The following CCDC146 variants were observed in gnomAD, a reference collection of about 807,000 sequenced individuals.
CCDC146 encodes coiled-coil domain containing 146, also known as coiled-coil domain-containing protein 146.
CCDC146 carries 92 observed loss-of-function variants against 119.3 expected under a neutral mutation model. That is an observed-to-expected ratio of 0.77 (90% CI 0.65 to 0.92). CCDC146 has a LOEUF of 0.92. Among genes scored for constraint, CCDC146 ranks in the 40% least tolerant of loss-of-function variants. The pLI, the probability that CCDC146 is intolerant of heterozygous loss-of-function variation, is 0.00. For missense variants in CCDC146, 1,000 were observed against 1,103.0 expected (o/e 0.91, Z 1.32); for synonymous variants, 372 against 371.8 (o/e 1.00, Z -0.01).
intron 3 of CCDC146, among the ~76,000 whole-genome samples, chr7:77,238,510 A>G (rs1433457556): frequency 6.6e-6 from 1 of 151,836 alleles, no homozygotes; most frequent in Non-Finnish European, 1.5e-5. Context: ...TCCGCCTCCC[A>G]GGTTCACGCC....
intron 9 of CCDC146, among the ~76,000 whole-genome samples, chr7:77,263,701 A>T (rs867737111): frequency 4.6e-5 from 7 of 152,362 alleles, no homozygotes; most frequent in Middle Eastern, 6.8e-3. Flanking sequence ...AGGTCGGCAG[A>T]TCACCTGAGG....
chr7:77,199,347 C>T (rs747943176), intron 2 of CCDC146: 3 of 1,613,942 alleles, frequency 1.9e-6, no homozygotes, highest in African/African-American at 2.7e-5. Context: ...CATTGATCTC[C>T]TCTTTGGCAT....
intron 17 of CCDC146, among the ~76,000 whole-genome samples, chr7:77,289,814 G>A (rs1407253733): frequency 1.3e-5 from 2 of 152,236 alleles, no homozygotes; most frequent in East Asian, 3.9e-4. Context: ...TCTAATTTAT[G>A]GAAGAGAAGG....
At chr7:77,146,826 T>C (rs1026970484) in intron 1 of CCDC146, among the ~76,000 whole-genome samples, 1 of 152,242 alleles carries the variant, frequency 6.6e-6, no homozygotes. Context: ...GACCTTTCTC[T>C]CTGGCTGCCC....
At position 77,282,579 on chromosome 7, in the gene CCDC146, G is replaced by C; in HGVS notation, c.1942G>C (p.Glu648Gln). 1 of 1,609,476 alleles carries C rather than the reference G, an allele frequency of 6.2e-7. No individual in the cohort carries two copies. The highest frequency in any genetic ancestry group is 1.3e-5 in the African/African-American group (1 of 74,726). Residue 648 changes from glutamate (E) to glutamine (Q), a missense_variant, in exon 15 of 19, where the codon GAA becomes CAA. Coordinates refer to ENST00000285871, the MANE Select transcript of CCDC146 (RefSeq NM_020879.3). ...TAGTGGCGTTCAGCTGATAGAGCGG[G>C]AAGAAGAAATATGCATTTTTTATGA... ...NESGVQLIER[E>Q]EEICIFYEKI...
intron 18 of CCDC146, 122 bp from the exon 19 acceptor site, chr7:77,294,541 T>TGGG: frequency 1.3e-6 from 1 of 745,132 alleles, no homozygotes; most frequent in South Asian, 1.7e-5. Context: ...CCCATCCCTT[T>TGGG]GGGGAGTATC....
intron 2 of CCDC146, among the ~76,000 whole-genome samples, chr7:77,184,906 A>G (rs1390206299): frequency 1.3e-5 from 2 of 152,166 alleles, no homozygotes; most frequent in East Asian, 1.9e-4. Context: ...CTGAGATACA[A>G]CTGGAATCAT....
intron 2 of CCDC146, chr7:77,198,939 C>T (rs1791926353): frequency 1.9e-6 from 1 of 534,616 alleles, no homozygotes; most frequent in Non-Finnish European, 3.3e-6. Context: ...CTGGCATTAA[C>T]AAATAAGATC....
At chr7:77,207,773 T>C (rs1792107662) in intron 2 of CCDC146, among the ~76,000 whole-genome samples, 1 of 152,164 alleles carries the variant, frequency 6.6e-6, no homozygotes, top group Admixed American at 6.5e-5. Flanking sequence ...TAGAGATCTG[T>C]AAGGTCCTTT....
chr7:77,132,309 G>A (rs893669914), intron 1 of CCDC146, among the ~76,000 whole-genome samples: 8 of 151,934 alleles, frequency 5.3e-5, no homozygotes, highest in African/African-American at 1.9e-4. Context: ...GAACACAAAA[G>A]CAAAATCCTT....
intron 17 of CCDC146, among the ~76,000 whole-genome samples, chr7:77,291,572 A>C (rs1379177870): frequency 6.6e-6 from 1 of 152,120 alleles, no homozygotes; most frequent in African/African-American, 2.4e-5. Context: ...GCCGGGTGTG[A>C]TGGTGCACAC....
intron 15 of CCDC146, among the ~76,000 whole-genome samples, chr7:77,286,530 C>G (rs1003371254): frequency 4.6e-5 from 7 of 152,158 alleles, no homozygotes; most frequent in African/African-American, 1.7e-4. Context: ...AATCAAGGGC[C>G]GCTTGTGAAA....
chr7:77,167,903 T>G (rs923613150), intron 2 of CCDC146, 79 bp downstream of exon 2: 2 of 1,523,612 alleles, frequency 1.3e-6, no homozygotes, highest in African/African-American at 2.8e-5. Flanking sequence ...CCAATATCAT[T>G]ATCAAAATTC....
chr7:77,130,798 C>T (rs557054008), intron 1 of CCDC146, among the ~76,000 whole-genome samples: 20 of 150,718 alleles, frequency 1.3e-4, no homozygotes, highest in African/African-American at 4.2e-4. Flanking sequence ...GGGGTTTCAC[C>T]GTGTTAGCCA....
intron 2 of CCDC146, 107 bp downstream of exon 2, chr7:77,167,931 G>T: frequency 2.2e-6 from 3 of 1,390,624 alleles, no homozygotes; most frequent in Non-Finnish European, 2.9e-6. Flanking sequence ...CATATATCCT[G>T]TAGGTGATAT....
intron 7 of CCDC146, among the ~76,000 whole-genome samples, chr7:77,259,746 T>C (rs979077529): frequency 5.3e-5 from 8 of 152,016 alleles, no homozygotes; most frequent in African/African-American, 1.9e-4. Flanking sequence ...TGGTAGCAAA[T>C]TGGGATCTGC....
At chr7:77,200,123 A>C (rs898206266) in intron 2 of CCDC146, among the ~76,000 whole-genome samples, 3 of 152,256 alleles carry the variant, frequency 2.0e-5, no homozygotes, top group African/African-American at 7.2e-5. Context: ...CTTGAAGTAA[A>C]TAATTATACG....
At chr7:77,128,730 A>G (rs1320067531) in intron 1 of CCDC146, among the ~76,000 whole-genome samples, 3 of 152,108 alleles carry the variant, frequency 2.0e-5, no homozygotes, top group Non-Finnish European at 2.9e-5. Flanking sequence ...AGGTTTCCTA[A>G]GAATAAAAGA....
chr7:77,220,088 G>A (rs1792372814), intron 2 of CCDC146, among the ~76,000 whole-genome samples: 1 of 152,194 alleles, frequency 6.6e-6, no homozygotes, highest in Non-Finnish European at 1.5e-5. Context: ...CCTAACCCTA[G>A]CAAGCCTGGG....
Sources: gnomAD v4.1 joint callset for allele counts (sites outside exome capture counted in the v4.1 genomes callset) on GRCh38, gnomAD v4.1.1 for gene constraint, MANE v1.5 for transcripts, NCBI Gene and HGNC (gene_info 2026-07-23, HGNC 2026-07-21) for gene names.